The following TEX11 variants were observed in gnomAD, a reference collection of about 807,000 sequenced individuals.
The protein encoded by TEX11 is testis-expressed protein 11.
A neutral mutation model predicts 84.4 loss-of-function variants in TEX11; 7 were observed. The observed-to-expected ratio is 0.08, with a 90% CI of 0.05 to 0.16. The LOEUF is 0.16. Among genes scored for constraint, TEX11 ranks in the 10% least tolerant of loss-of-function variants. The pLI, the probability that TEX11 is intolerant of heterozygous loss-of-function variation, is 1.00. For missense variants in TEX11, 551 were observed against 660.5 expected (o/e 0.83, Z 1.82); for synonymous variants, 264 against 222.8 (o/e 1.18, Z -1.64).
chrX:70,829,405 C>A (rs940966891), intron 8 of TEX11, among the ~76,000 whole-genome samples: 5 of 107,749 alleles, frequency 4.6e-5, no homozygotes, highest in Admixed American at 1.0e-4. Flanking sequence ...TTACTTGAAC[C>A]CAGGAGGCGG....
At chrX:70,548,348 A>G (rs943867185) in intron 28 of TEX11, among the ~76,000 whole-genome samples, 1 of 110,267 alleles carries the variant, frequency 9.1e-6, no homozygotes, top group Non-Finnish European at 1.9e-5. Context: ...CAGCACACCA[A>G]CATGGCACAT....
chrX:70,877,538 A>C (rs747221302), intron 3 of TEX11, among the ~76,000 whole-genome samples: 1 of 111,883 alleles, frequency 8.9e-6, no homozygotes, highest in Non-Finnish European at 1.9e-5. Context: ...GTATATATCC[A>C]AAAGAATTAA....
At chrX:70,524,385 T>C (rs2087803611), downstream of TEX11, among the ~76,000 whole-genome samples, 1 of 112,282 alleles carries the variant, frequency 8.9e-6, no homozygotes, top group South Asian at 3.7e-4. Context: ...AGCCCTCTCC[T>C]GTTCAGTGTT....
intron 25 of TEX11, among the ~76,000 whole-genome samples, chrX:70,570,757 C>T (rs150033116): frequency 0.015 from 1,675 of 110,208 alleles, 24 homozygotes; most frequent in African/African-American, 0.052. Context: ...TAATGGGGGG[C>T]GGGAAAGTAA....
intron 25 of TEX11, among the ~76,000 whole-genome samples, chrX:70,561,224 G>C (rs1272968296): frequency 9.2e-6 from 1 of 108,828 alleles, no homozygotes; most frequent in African/African-American, 3.3e-5. Flanking sequence ...TTTCAGTGCA[G>C]AGGTCTTATA....
In TEX11 at chrX:70,552,255, CAA is replaced by C. The variant is rs761132371; in HGVS notation, c.2400-11_2400-10del. 20 of 1,200,550 alleles carry C rather than the reference CAA, an allele frequency of 1.7e-5. No individual in the cohort carries two copies. The highest frequency in any genetic ancestry group is 2.3e-4 in the Middle Eastern group (1 of 4,284). On this transcript the variant is annotated splice_polypyrimidine_tract_variant and intron_variant, in intron 27 of 29. Transcript: ENST00000374333. ...AGTTGTGCATACATTTGCTGAAAATCAAAAAGAGAAAACTCATCCCATAAGGA... is the reference window on the plus strand; with the variant it reads ...AGTTGTGCATACATTTGCTGAAAATCAAAGAGAAAACTCATCCCATAAGGA...
intron 2 of TEX11, among the ~76,000 whole-genome samples, chrX:70,882,051 GA>G (rs1367604262): frequency 1.9e-4 from 19 of 101,258 alleles, no homozygotes; most frequent in African/African-American, 6.5e-4. Context: ...AAAAGAAAAA[GA>G]AAAAAGAAAA....
chrX:70,569,670 A>T (rs1404946446), intron 25 of TEX11, among the ~76,000 whole-genome samples: 1 of 111,603 alleles, frequency 9.0e-6, no homozygotes, highest in African/African-American at 3.3e-5. Flanking sequence ...CTAGAGGTCC[A>T]CTCCAGACCC....
chrX:70,657,180 G>A (rs1325909687), intron 16 of TEX11, among the ~76,000 whole-genome samples: 2 of 111,020 alleles, frequency 1.8e-5, no homozygotes, highest in African/African-American at 3.3e-5. Flanking sequence ...AAACTTAAAC[G>A]TACATAGCCA....
At chrX:70,893,945 T>A (rs1237113702) in intron 2 of TEX11, among the ~76,000 whole-genome samples, 2 of 111,413 alleles carry the variant, frequency 1.8e-5, no homozygotes, top group African/African-American at 6.5e-5. Context: ...ACAATAAACA[T>A]CTCTACACAA....
chrX:70,873,364 A>G, intron 3 of TEX11, 57 bp from the exon 4 acceptor site: 3 of 790,043 alleles, frequency 3.8e-6, no homozygotes, highest in Non-Finnish European at 5.8e-6. Context: ...CTCCAACGGT[A>G]TTTTCATTCT....
chrX:70,859,953 T>C lies in TEX11; in HGVS notation c.324+904A>G, dbSNP rs568043447. ...ATTGCTTGAACCCAGGAGATGGAGG[T>C]TGCAGCGAGCCCAGATCACACCACT... On this transcript the variant is annotated intron_variant, in intron 5 of 29. Coordinates refer to ENST00000374333, the MANE Select transcript of TEX11 (RefSeq NM_031276.3). Among the ~76,000 whole-genome samples the C allele has an allele frequency of 4.5e-5, 5 of 110,822 alleles. No individual in the cohort carries two copies. The East Asian group carries it at 8.6e-4, about 19-fold the overall frequency.
chrX:70,720,270 C>CA (rs757958722), intron 13 of TEX11, among the ~76,000 whole-genome samples: 3 of 110,598 alleles, frequency 2.7e-5, no homozygotes, highest in Non-Finnish European at 5.7e-5. Flanking sequence ...ATCGCAAGGA[C>CA]AAAAAACCAA....
At chrX:70,527,849 T>C (rs1328857597), downstream of TEX11, among the ~76,000 whole-genome samples, 3 of 111,986 alleles carry the variant, frequency 2.7e-5, no homozygotes, top group Non-Finnish European at 5.6e-5. Context: ...AAAAAATAAA[T>C]AGAGAAGCTG....
chrX:70,902,759 C>T (rs1189608860), intron 2 of TEX11, among the ~76,000 whole-genome samples: 1 of 111,072 alleles, frequency 9.0e-6, no homozygotes, highest in Non-Finnish European at 1.9e-5. Context: ...AGGCCAGTCT[C>T]GAACTCCTGA....
intron 9 of TEX11, among the ~76,000 whole-genome samples, chrX:70,789,330 C>T (rs1217367862): frequency 1.8e-5 from 2 of 112,063 alleles, no homozygotes; most frequent in Admixed American, 9.4e-5. Context: ...TGGTGGCTCA[C>T]GCCTGTAATC....
chrX:70,643,349 G>A lies in TEX11; in HGVS notation c.1483+8101C>T, dbSNP rs1191087071. On this transcript the variant is annotated intron_variant, in intron 17 of 29. Coordinates refer to ENST00000374333, the MANE Select transcript of TEX11 (RefSeq NM_031276.3). ...TCGTGAAAATGGCCATACTGCCCAA[G>A]GTAATTTACAGATTCAATGCCATCC... Among the ~76,000 whole-genome samples, 9 of 96,333 alleles carry A rather than the reference G, an allele frequency of 9.3e-5. No individual in the cohort carries two copies. The East Asian group carries it at 3.1e-3, about 33-fold the overall frequency. The allele number at this position is 96,333 out of a possible 115,157, so 83.7% of individuals were successfully genotyped here. A position where few individuals can be genotyped will look rare whatever the true frequency, so the allele number is the denominator to read the frequency against.
intron 9 of TEX11, among the ~76,000 whole-genome samples, chrX:70,749,500 A>T (rs4844258): frequency 2.8e-5 from 3 of 107,434 alleles, no homozygotes; most frequent in Admixed American, 2.0e-4. Flanking sequence ...GTCTTGTGCC[A>T]GTTTTCAAAG....
intron 16 of TEX11, among the ~76,000 whole-genome samples, chrX:70,657,013 G>A (rs983165319): frequency 8.9e-6 from 1 of 111,939 alleles, no homozygotes; most frequent in Non-Finnish European, 1.9e-5. Flanking sequence ...GTATAGATCA[G>A]TGTTGTCCAA....
Sources: allele counts gnomAD v4.1 joint callset (sites outside exome capture counted in the v4.1 genomes callset), GRCh38; gene constraint gnomAD v4.1.1; transcripts MANE v1.5; gene names NCBI Gene and HGNC (gene_info 2026-07-23, HGNC 2026-07-21).